The following NRG3 variants were observed in gnomAD, a reference collection of about 807,000 sequenced individuals.
The protein encoded by NRG3 is pro-neuregulin-3, membrane-bound isoform.
NRG3 carries 31 observed loss-of-function variants against 66.9 expected under a neutral mutation model. The ratio of observed to expected loss-of-function variants is 0.46; its 90% confidence interval spans 0.35 to 0.63. The LOEUF (loss-of-function observed/expected upper bound fraction) is 0.63, where lower values mean the gene tolerates loss of function less well. NRG3 is among the 20% of genes least tolerant of loss of function. The pLI, the probability that NRG3 is intolerant of heterozygous loss-of-function variation, is 0.00. For missense variants in NRG3, 910 were observed against 878.9 expected (o/e 1.04, Z -0.45); for synonymous variants, 393 against 359.4 (o/e 1.09, Z -1.06).
At chr10:82,169,760 T>C (rs1333197248) in intron 1 of NRG3, among the ~76,000 whole-genome samples, 1 of 151,840 alleles carries the variant, frequency 6.6e-6, no homozygotes, top group East Asian at 1.9e-4. Flanking sequence ...TATTAAAGAT[T>C]ATGTGTAGTT....
intron 4 of NRG3, among the ~76,000 whole-genome samples, chr10:82,885,514 C>T (rs1349693479): frequency 1.3e-5 from 2 of 152,108 alleles, no homozygotes; most frequent in Non-Finnish European, 2.9e-5. Flanking sequence ...TATAAAGCTA[C>T]TTGAGTTTGT....
Position 82,388,018 on chromosome 10 carries a change from G to C in NRG3, c.953+29150G>C, listed in dbSNP as rs17099974. Reference sequence around the variant, plus strand: ...AAATTGCTACAATGAAGGGCAATCTGTTTCTAAATTAGAAAAGTACTGATC... The same window carrying C: ...AAATTGCTACAATGAAGGGCAATCTCTTTCTAAATTAGAAAAGTACTGATC... On this transcript the variant is annotated intron_variant, in intron 2 of 8. Coordinates refer to ENST00000372141, the MANE Select transcript of NRG3 (RefSeq NM_001010848.4). Among the ~76,000 whole-genome samples the C allele has an allele frequency of 5.6e-3, 852 of 152,204 alleles. 8 individuals are homozygous for C. The highest frequency in any genetic ancestry group is 0.02 in the African/African-American group (827 of 41,528).
chr10:82,984,999 C>T, intron 8 of NRG3, 99 bp from the exon 9 acceptor site: 1 of 1,427,482 alleles, frequency 7.0e-7, no homozygotes, highest in Non-Finnish European at 9.7e-7. Context: ...TGTGAGAATT[C>T]AGTGAGATGG....
chr10:82,979,956 C>A (rs1274424287), intron 8 of NRG3, among the ~76,000 whole-genome samples: 2 of 152,158 alleles, frequency 1.3e-5, no homozygotes, highest in Non-Finnish European at 1.5e-5. Context: ...ATAGTCCCAG[C>A]ACTTTGGGAG....
intron 2 of NRG3, among the ~76,000 whole-genome samples, chr10:82,392,808 C>T (rs1208415749): frequency 6.6e-6 from 1 of 152,034 alleles, no homozygotes; most frequent in African/African-American, 2.4e-5. Flanking sequence ...GCTGAATGGA[C>T]TCCACACTGC....
chr10:82,385,556 T>C lies in NRG3; in HGVS notation c.953+26688T>C, dbSNP rs186116746. Among the ~76,000 whole-genome samples, 8 of 152,254 alleles carry C rather than the reference T, an allele frequency of 5.3e-5. No individual in the cohort carries two copies. In the East Asian group the frequency reaches 1.5e-3, roughly 29 times the overall value. On this transcript the variant is annotated intron_variant, in intron 2 of 8. Transcript: ENST00000372141. ...AAAACATTTCTCATGGTTTTTCTTC[T>C]TCACTGAGATTGAATTAGATTAAGC... is the stretch of plus-strand genomic sequence containing the variant.
At chr10:82,184,370 G>GT (rs1306469310) in intron 1 of NRG3, among the ~76,000 whole-genome samples, 1 of 152,044 alleles carries the variant, frequency 6.6e-6, no homozygotes, top group African/African-American at 2.4e-5. Context: ...TGTCCAAATG[G>GT]TGAGGCTAAG....
At chr10:82,624,707 A>ATG (rs1365581747) in intron 2 of NRG3, among the ~76,000 whole-genome samples, 12 of 148,226 alleles carry the variant, frequency 8.1e-5, no homozygotes, top group African/African-American at 2.5e-4. Context: ...ATGCATACAT[A>ATG]TATATATATA....
intron 1 of NRG3, among the ~76,000 whole-genome samples, chr10:82,095,095 C>T (rs1312492722): frequency 1.3e-5 from 2 of 152,232 alleles, no homozygotes; most frequent in Admixed American, 6.5e-5. Context: ...AGCTTTCTCA[C>T]ATCCTACTGT....
chr10:82,689,949 G>T (rs745574415), intron 2 of NRG3, among the ~76,000 whole-genome samples: 5 of 152,166 alleles, frequency 3.3e-5, no homozygotes, highest in Non-Finnish European at 5.9e-5. Context: ...GAAGATGAAA[G>T]AAAGTCTGAG....
At chr10:82,073,881 C>T (rs143798204) in intron 1 of NRG3, among the ~76,000 whole-genome samples, 5 of 152,114 alleles carry the variant, frequency 3.3e-5, no homozygotes, top group Admixed American at 6.6e-5. Flanking sequence ...TTTACTCCTA[C>T]GTCAGACATG....
Position 82,280,652 on chromosome 10 carries a change from C to T in NRG3, c.824-78087C>T, listed in dbSNP as rs1441378689. ...TATCACTTTGGACACTCTCCTTGAC[C>T]TTTTCTCCGCAAGGTCTGTCATCTC... On this transcript the variant is annotated intron_variant, in intron 1 of 8. Coordinates refer to ENST00000372141, the MANE Select transcript of NRG3 (RefSeq NM_001010848.4). Among the ~76,000 whole-genome samples the T allele has an allele frequency of 4.6e-5, 7 of 152,124 alleles. No homozygotes were observed. The East Asian group carries it at 1.4e-3, about 29-fold the overall frequency.
intron 1 of NRG3, among the ~76,000 whole-genome samples, chr10:81,978,490 A>T (rs17726464): frequency 0.034 from 5,092 of 151,518 alleles, 105 homozygotes; most frequent in Non-Finnish European, 0.048. Flanking sequence ...AACAGGGCAA[A>T]TTTTTTTTTC....
intron 1 of NRG3, among the ~76,000 whole-genome samples, chr10:81,984,096 C>T (rs1164047363): frequency 1.3e-5 from 2 of 152,138 alleles, no homozygotes; most frequent in Non-Finnish European, 2.9e-5. Flanking sequence ...CACTAAAAAG[C>T]AGGGAAAGAG....
chr10:82,903,634 T>C (rs1221878354), intron 4 of NRG3, among the ~76,000 whole-genome samples: 1 of 152,174 alleles, frequency 6.6e-6, no homozygotes, highest in East Asian at 1.9e-4. Flanking sequence ...TTCAAATGTA[T>C]TTTCTCTTCC....
intron 3 of NRG3, among the ~76,000 whole-genome samples, chr10:82,810,911 T>G (rs890466858): frequency 3.0e-4 from 45 of 152,106 alleles, no homozygotes; most frequent in Admixed American, 5.9e-4. Flanking sequence ...TGTCATACAT[T>G]TTTCTCTTTA....
chr10:81,895,397 C>G (rs1160892557), intron 1 of NRG3, among the ~76,000 whole-genome samples: 2 of 152,056 alleles, frequency 1.3e-5, no homozygotes, highest in Non-Finnish European at 2.9e-5. Context: ...TTATTGATCC[C>G]AATACTCTCA....
At chr10:82,129,805 C>T (rs922133798) in intron 1 of NRG3, among the ~76,000 whole-genome samples, 5 of 152,108 alleles carry the variant, frequency 3.3e-5, no homozygotes, top group African/African-American at 1.2e-4. Flanking sequence ...AAGTGATCCT[C>T]CCACCTCTGC....
intron 3 of NRG3, among the ~76,000 whole-genome samples, chr10:82,837,889 G>A (rs2062857528): frequency 6.6e-6 from 1 of 152,124 alleles, no homozygotes; most frequent in Non-Finnish European, 1.5e-5. Flanking sequence ...CATAGGATAA[G>A]GCACTTATAG....
Sources: allele counts gnomAD v4.1 joint callset (sites outside exome capture counted in the v4.1 genomes callset), GRCh38; gene constraint gnomAD v4.1.1; transcripts MANE v1.5; gene names NCBI Gene and HGNC (gene_info 2026-07-23, HGNC 2026-07-21).